MIER3: variants seen among roughly 807,000 people sequenced by gnomAD.
The protein encoded by MIER3 is mesoderm induction early response protein 3.
In MIER3, 9 loss-of-function variants were observed where a neutral mutation model predicts 63.2. The observed-to-expected ratio is 0.14, with a 90% CI of 0.09 to 0.25. The LOEUF is 0.25. Ranked by LOEUF, MIER3 falls within the 10% of genes least tolerant of loss-of-function variation. The pLI, the probability that MIER3 is intolerant of heterozygous loss-of-function variation, is 1.00. For synonymous variants in MIER3, 205 were observed against 224.9 expected (o/e 0.91, Z 0.79); for missense variants, 512 against 666.2 (o/e 0.77, Z 2.55).
rs1393017186 is a variant in MIER3, at chr5:56,936,007, G to A, written c.437-256C>T. The stretch of plus-strand genomic sequence containing the variant: ...TTTGGGAGGCTGAGGTGGGTGGATC[G>A]CTTGAGGTCAGGAGTTTAAGACCAG... On this transcript the variant is annotated intron_variant, in intron 5 of 12. Coordinates refer to ENST00000381199, the MANE Select transcript of MIER3 (RefSeq NM_001297599.2). 2.6e-5 allele frequency among the ~76,000 whole-genome samples: 4 copies of A among 152,118 alleles called. 1 individual carries two copies. The highest frequency in any genetic ancestry group is 2.6e-4 in the Admixed American group (4 of 15,272).
chr5:56,939,286 T>C (rs1409532805), intron 3 of MIER3, among the ~76,000 whole-genome samples: 1 of 152,236 alleles, frequency 6.6e-6, no homozygotes, highest in African/African-American at 2.4e-5. Flanking sequence ...CCTCAAATAT[T>C]TGCTTTAGTG....
intron 2 of MIER3, 89 bp downstream of exon 2, chr5:56,950,539 A>G: frequency 7.4e-7 from 1 of 1,346,400 alleles, no homozygotes; most frequent in Non-Finnish European, 1.0e-6. Flanking sequence ...CCTGCAGGAT[A>G]CATTTCTATT....
At position 56,930,658 on chromosome 5, in the gene MIER3, T is replaced by G. The variant is rs370936641; in HGVS notation, c.829+6A>C. On this transcript the variant is annotated splice_donor_region_variant and intron_variant, in intron 9 of 12. Transcript: ENST00000381199. ...TGTCCCTCTCTTAAACCCAAGTGTTTCTTACCTTGAGAGGCCTTTCCATTG... is the reference window on the plus strand; with the variant it reads ...TGTCCCTCTCTTAAACCCAAGTGTTGCTTACCTTGAGAGGCCTTTCCATTG... 110 of 1,612,976 alleles carry G rather than the reference T, an allele frequency of 6.8e-5. No homozygotes were observed. Among genetic ancestry groups the G allele is most frequent in the Non-Finnish European group, 8.5e-5 (100 of 1,179,084 alleles).
chr5:56,926,206 A>C (rs1345718308), intron 10 of MIER3, among the ~76,000 whole-genome samples: 1 of 152,104 alleles, frequency 6.6e-6, no homozygotes, highest in African/African-American at 2.4e-5. Context: ...TTTTAAATAA[A>C]ATGCTAAAAG....
rs1270458516 is a variant in MIER3 at position 56,923,495 on chromosome 5, C to T, written c.1286G>A (p.Gly429Glu). The T allele has an allele frequency of 2.5e-6, 4 of 1,614,146 alleles. No homozygotes were observed. Among genetic ancestry groups the T allele is most frequent in the Non-Finnish European group, 3.4e-6 (4 of 1,180,018 alleles). Residue 429 changes from glycine to glutamate, a missense_variant, in exon 13 of 13, where the codon GGA (glycine) becomes GAA (glutamate). Gly to Glu is a moderately conservative substitution (Grantham distance 98). Transcript: ENST00000381199. ...TACAACAGGCACATGATTAACTTGT[C>T]CACGGGGTGTGTTGCCCAGTGGAGG... ...SFPPLGNTPR[G>E]QVNHVPVVTE...
intron 4 of MIER3, chr5:56,938,467 C>CT (rs1409911480): frequency 1.8e-5 from 8 of 434,792 alleles, no homozygotes; most frequent in Non-Finnish European, 2.9e-5. Flanking sequence ...GTCTTGGCTG[C>CT]TGCGGCCGCT....
chr5:56,939,043 G>A, intron 3 of MIER3, 26 bp from the exon 4 acceptor site: 2 of 1,611,894 alleles, frequency 1.2e-6, no homozygotes, highest in Non-Finnish European at 1.7e-6. Context: ...CATAAACACG[G>A]ACTCAGCAGA....
intron 2 of MIER3, among the ~76,000 whole-genome samples, chr5:56,947,476 C>T (rs58568222): frequency 0.15 from 23,471 of 152,070 alleles, 2,471 homozygotes; most frequent in East Asian, 0.35. Flanking sequence ...TCACAAGAAT[C>T]GACTATACAC....
intron 8 of MIER3, among the ~76,000 whole-genome samples, 169 bp from the exon 9 acceptor site, chr5:56,930,914 T>A (rs900782609): frequency 6.6e-6 from 1 of 152,228 alleles, no homozygotes; most frequent in Non-Finnish European, 1.5e-5. Flanking sequence ...TATATAACTA[T>A]CATGCAGATT....
At chr5:56,949,313 A>G (rs55698001) in intron 2 of MIER3, among the ~76,000 whole-genome samples, 14,489 of 152,176 alleles carry the variant, frequency 0.095, 1,033 homozygotes, top group East Asian at 0.35. Flanking sequence ...AGATTGCCCC[A>G]TTGCACTCCA....
Position 56,931,687 on chromosome 5 carries a change from C to T in MIER3, c.748-942G>A, listed in dbSNP as rs750168363. Among the ~76,000 whole-genome samples the T allele has an allele frequency of 5.8e-4, 89 of 152,150 alleles. 2 individuals are homozygous for T. In the Middle Eastern group the frequency reaches 0.014, roughly 23 times the overall value. ...GTAAAAACCTTAGATGTATTACTTC[C>T]ACCAAAAGCAGGCACCAAATCACTG... On this transcript the variant is annotated intron_variant, in intron 8 of 12. Transcript: ENST00000381199.
chr5:56,946,923 T>C lies in MIER3; in HGVS notation c.180+3A>G, dbSNP rs747053354. 2.9e-5 allele frequency: 46 copies of C among 1,560,582 alleles called. No homozygotes were observed. The South Asian group carries it at 4.1e-4, about 14-fold the overall frequency. ...AGTTTGTATATTAAAGTAAATCTTA[T>C]ACCTTTTCTAAGTCTTCAATTTCTG... On this transcript the variant is annotated splice_donor_region_variant and intron_variant, in intron 3 of 12. Transcript: ENST00000381199.
rs1749643792 is a variant in MIER3 at position 56,920,952 on chromosome 5, T to G, written c.*2176A>C. Reference sequence around the variant, plus strand: ...TTAAACTAGCTGGAATTTATTTTTCTCTCATACCATTTTCTGGATTTTGGT... The same window carrying G: ...TTAAACTAGCTGGAATTTATTTTTCGCTCATACCATTTTCTGGATTTTGGT... On this transcript the variant is annotated 3_prime_UTR_variant, in exon 13 of 13. Coordinates refer to ENST00000381199, the MANE Select transcript of MIER3 (RefSeq NM_001297599.2). 6.6e-6 allele frequency: 1 copy of G among 152,584 alleles called. No homozygotes were observed. Among genetic ancestry groups the G allele is most frequent in the Admixed American group, 6.5e-5 (1 of 15,270 alleles). 9.5% of individuals were successfully genotyped at this position (152,584 alleles called of 1,614,324 possible). A position where few individuals can be genotyped will look rare whatever the true frequency, so the allele number is the denominator to read the frequency against.
chr5:56,928,442 A>G, intron 10 of MIER3: 1 of 173,888 alleles, frequency 5.8e-6, no homozygotes, highest in Non-Finnish European at 1.2e-5. Flanking sequence ...ACTGCTGAAG[A>G]GAAATTATTT....
chr5:56,927,147 CTGTA>C (rs1356414221), intron 10 of MIER3, among the ~76,000 whole-genome samples: 3 of 152,018 alleles, frequency 2.0e-5, no homozygotes, highest in Non-Finnish European at 4.4e-5. Context: ...TGAAGCTACT[CTGTA>C]TGATACTGTA....
chr5:56,928,955 A>ACT (rs150635397), intron 9 of MIER3, 94 bp from the exon 10 acceptor site: 10 of 577,830 alleles, frequency 1.7e-5, no homozygotes, highest in Admixed American at 5.3e-5. Context: ...AAGGTCACAA[A>ACT]CTCTCTCTCT....
At chr5:56,938,195 A>G (rs1040617166) in intron 4 of MIER3, 2 of 465,428 alleles carry the variant, frequency 4.3e-6, no homozygotes, top group Admixed American at 2.4e-5. Flanking sequence ...TGCCTAGCAC[A>G]AAGTAGCCAC....
chr5:56,927,208 A>C, intron 10 of MIER3, among the ~76,000 whole-genome samples: 1 of 152,222 alleles, frequency 6.6e-6, no homozygotes, highest in Non-Finnish European at 1.5e-5. Flanking sequence ...AATGGAATGT[A>C]CAACATGAAG....
chr5:56,950,733 G>C, intron 1 of MIER3, 81 bp from the exon 2 acceptor site: 1 of 1,497,418 alleles, frequency 6.7e-7, no homozygotes, highest in Non-Finnish European at 9.2e-7. Flanking sequence ...CGCAGAGGAG[G>C]CGGAGTCGAG....
Sources: gnomAD v4.1 joint callset for allele counts (sites outside exome capture counted in the v4.1 genomes callset) on GRCh38, gnomAD v4.1.1 for gene constraint, MANE v1.5 for transcripts, NCBI Gene and HGNC (gene_info 2026-07-23, HGNC 2026-07-21) for gene names.